The following ARIH1 variants were observed in gnomAD, a reference collection of about 807,000 sequenced individuals.
ARIH1 encodes ariadne RBR E3 ubiquitin protein ligase 1, also known as E3 ubiquitin-protein ligase ARIH1.
A neutral mutation model predicts 85.0 loss-of-function variants in ARIH1; 8 were observed. The ratio of observed to expected loss-of-function variants is 0.09; its 90% CI spans 0.06 to 0.17. The LOEUF is 0.17. Ranked by LOEUF, ARIH1 falls within the 10% of genes least tolerant of loss-of-function variation. ARIH1 has a pLI of 1.00. For synonymous variants in ARIH1, 238 were observed against 253.6 expected, an observed-to-expected ratio of 0.94 and a Z score of 0.59; for missense variants, 311 against 718.1, an observed-to-expected ratio of 0.43 and a Z score of 6.48.
At chr15:72,495,624 G>C (rs2063876926) in intron 1 of ARIH1, among the ~76,000 whole-genome samples, 1 of 152,064 alleles carries the variant, frequency 6.6e-6, no homozygotes, top group South Asian at 2.1e-4. Context: ...ATGTAGCATG[G>C]ATCTAGTTTA....
At chr15:72,502,115 T>C (rs78795731) in intron 1 of ARIH1, among the ~76,000 whole-genome samples, 1 of 152,218 alleles carries the variant, frequency 6.6e-6, no homozygotes, top group Non-Finnish European at 1.5e-5. Context: ...CTATTGTTCA[T>C]GTAAATATAC....
intron 5 of ARIH1, 74 bp downstream of exon 5, chr15:72,555,981 C>T (rs976994073): frequency 8.3e-6 from 11 of 1,322,978 alleles, no homozygotes; most frequent in Non-Finnish European, 1.2e-5. Context: ...TACTTAGTAC[C>T]TCAAAGGAAG....
At chr15:72,530,694 C>T (rs954277365) in intron 2 of ARIH1, among the ~76,000 whole-genome samples, 2 of 152,146 alleles carry the variant, frequency 1.3e-5, no homozygotes, top group Non-Finnish European at 2.9e-5. Flanking sequence ...CACCAGGGAG[C>T]TGTCATTCAG....
chr15:72,510,454 A>G (rs182116071), intron 1 of ARIH1, among the ~76,000 whole-genome samples: 1 of 152,134 alleles, frequency 6.6e-6, no homozygotes, highest in African/African-American at 2.4e-5. Flanking sequence ...GCTAAAGTAC[A>G]TTTTAAAAAT....
intron 1 of ARIH1, among the ~76,000 whole-genome samples, chr15:72,480,790 C>A (rs2063813496): frequency 6.6e-6 from 1 of 152,136 alleles, no homozygotes; most frequent in Admixed American, 6.5e-5. Context: ...GTCTCAAACT[C>A]CCGACCTCAG....
intron 1 of ARIH1, among the ~76,000 whole-genome samples, chr15:72,493,478 C>T (rs982964939): frequency 1.3e-5 from 2 of 152,170 alleles, no homozygotes; most frequent in Admixed American, 1.3e-4. Flanking sequence ...TCTGTTTGTT[C>T]ATACCCTCAT....
At chr15:72,553,503 C>G (rs992340372) in intron 3 of ARIH1, among the ~76,000 whole-genome samples, 1 of 151,800 alleles carries the variant, frequency 6.6e-6, no homozygotes, top group African/African-American at 2.4e-5. Flanking sequence ...CATTTTATAA[C>G]CCCCCAGGAG....
chr15:72,480,656 C>T (rs2063812887), intron 1 of ARIH1, among the ~76,000 whole-genome samples: 1 of 152,074 alleles, frequency 6.6e-6, no homozygotes, highest in Non-Finnish European at 1.5e-5. Flanking sequence ...CCTCTGCCTC[C>T]CAGGTTCAAG....
intron 2 of ARIH1, among the ~76,000 whole-genome samples, chr15:72,529,184 G>A (rs2064044305): frequency 6.6e-6 from 1 of 152,058 alleles, no homozygotes; most frequent in Admixed American, 6.6e-5. Flanking sequence ...GGGCGACAGA[G>A]CGAGACTCCG....
intron 1 of ARIH1, among the ~76,000 whole-genome samples, chr15:72,477,239 C>G (rs916716204): frequency 8.6e-5 from 13 of 152,006 alleles, no homozygotes; most frequent in Admixed American, 3.9e-4. Context: ...GCTTTTTGCT[C>G]ATTTTATTCT....
intron 2 of ARIH1, among the ~76,000 whole-genome samples, chr15:72,537,778 G>A (rs2064089308): frequency 6.6e-6 from 1 of 152,054 alleles, no homozygotes; most frequent in African/African-American, 2.4e-5. Flanking sequence ...GAACTATAAG[G>A]TATAGAATAA....
At chr15:72,483,800 A>AT (rs10699090) in intron 1 of ARIH1, among the ~76,000 whole-genome samples, 115,068 of 146,954 alleles carry the variant, frequency 0.78, 47,600 homozygotes, top group East Asian at 0.94. Flanking sequence ...CAGTTTACTG[A>AT]TTTTTTTTTT....
chr15:72,548,983 A>G (rs2706456), intron 3 of ARIH1, among the ~76,000 whole-genome samples: 147,515 of 152,270 alleles, frequency 0.97, 71,634 homozygotes, highest in East Asian at 1. Flanking sequence ...TTGTAAATTC[A>G]TAGATTCCAA....
intron 2 of ARIH1, among the ~76,000 whole-genome samples, chr15:72,534,959 CT>C (rs59841210): frequency 1.5e-4 from 11 of 73,876 alleles, no homozygotes; most frequent in Admixed American, 2.1e-4. Context: ...TGTCTGTATT[CT>C]TTTTTTTTTT....
Position 72,594,766 on chromosome 15 carries a change from G to GCAAATAAT in ARIH1, c.*11475_*11482dup, listed in dbSNP as rs2064356190. 1 of 145,002 alleles carries GCAAATAAT rather than the reference G, an allele frequency of 6.9e-6. No individual in the cohort carries two copies. Among genetic ancestry groups the GCAAATAAT allele is most frequent in the South Asian group, 2.2e-4 (1 of 4,632 alleles). The allele number at this position is 145,002 out of a possible 1,614,324, so 9.0% of individuals were successfully genotyped here. On this transcript the variant is annotated 3_prime_UTR_variant, in exon 14 of 14. Transcript: ENST00000379887. ...AAATAGATACACAACAGTGTAGTCTGCAAATAATGTTTTTACTTCTTTTTC... is the reference window on the plus strand; with the variant it reads ...AAATAGATACACAACAGTGTAGTCTGCAAATAATCAAATAATGTTTTTACTTCTTTTTC...
chr15:72,498,961 A>AT lies in ARIH1; in HGVS notation c.376-19069dup, dbSNP rs535261674. ...TTATGTCGTTTGCACCTTTTCATAA[A>AT]TTTTTTTTTTTTTTTTTTTTTTTTT... On this transcript the variant is annotated intron_variant, in intron 1 of 13. Transcript: ENST00000379887. 3.6e-3 allele frequency among the ~76,000 whole-genome samples: 315 copies of AT among 88,426 alleles called. 48 individuals carry two copies. Among genetic ancestry groups the AT allele is most frequent in the African/African-American group, 9.1e-3 (195 of 21,450 alleles). 58.0% of individuals were successfully genotyped at this position (88,426 alleles called of 152,430 possible).
intron 7 of ARIH1, 145 bp from the exon 8 acceptor site, chr15:72,566,418 C>T: frequency 1.4e-6 from 1 of 696,272 alleles, no homozygotes; most frequent in Non-Finnish European, 2.6e-6. Context: ...AACTGTAAAG[C>T]AGACATGGGT....
chr15:72,588,518 A>C lies in ARIH1; in HGVS notation c.*5226A>C, dbSNP rs2064327573. Reference sequence around the variant, plus strand: ...TCCAGCCGGTGATTCTCACATGCAGACTAGGTTGAGATCCTTGATCTAGAC... The same window carrying C: ...TCCAGCCGGTGATTCTCACATGCAGCCTAGGTTGAGATCCTTGATCTAGAC... On this transcript the variant is annotated 3_prime_UTR_variant, in exon 14 of 14. Transcript: ENST00000379887. The C allele has an allele frequency of 6.6e-6, 1 of 152,198 alleles. No individual in the cohort carries two copies. The allele number at this position is 152,198 out of a possible 1,614,324, so 9.4% of individuals were successfully genotyped here.
intron 11 of ARIH1, 37 bp from the exon 12 acceptor site, chr15:72,580,694 T>C (rs1347943174): frequency 3.8e-6 from 6 of 1,575,998 alleles, no homozygotes; most frequent in South Asian, 2.4e-5. Context: ...AGTTTATGTG[T>C]TATAATTATA....
Sources: gnomAD v4.1 joint callset for allele counts (sites outside exome capture counted in the v4.1 genomes callset) on GRCh38, gnomAD v4.1.1 for gene constraint, MANE v1.5 for transcripts, NCBI Gene and HGNC (gene_info 2026-07-23, HGNC 2026-07-21) for gene names.